Variants in RMDN2 observed in about 807,000 individuals in gnomAD.
RMDN2 encodes the protein regulator of microtubule dynamics 2, also known as regulator of microtubule dynamics protein 2.
In RMDN2, 61 loss-of-function variants were observed where a neutral mutation model predicts 52.8. The ratio of observed to expected loss-of-function variants is 1.16; its 90% CI spans 0.94 to 1.43. The LOEUF is 1.43. RMDN2 is among the 40% of genes most tolerant of loss of function. RMDN2 has a pLI of 0.00. For synonymous variants in RMDN2, 180 were observed against 153.1 expected, an observed-to-expected ratio of 1.18 and a Z score of -1.30; for missense variants, 592 against 475.3, an observed-to-expected ratio of 1.25 and a Z score of -2.28.
chr2:38,023,920 CCCTT>C lies in RMDN2; in HGVS notation c.1713+19705_1713+19708del, dbSNP rs1162693226. On this transcript the variant is annotated intron_variant, in intron 10 of 10. Transcript: ENST00000234195. ...CATCACTTCAAATGTTTCTTCATGC[CCCTT>C]GGTAATCTCTCCCTCTTGCATCTCT... is the stretch of plus-strand genomic sequence containing the variant. Among the ~76,000 whole-genome samples the C allele has an allele frequency of 2.6e-5, 4 of 152,172 alleles. No individual in the cohort carries two copies. In the East Asian group the frequency reaches 7.7e-4, roughly 29 times the overall value.
chr2:37,949,335 C>G (rs1048215844), intron 2 of RMDN2, among the ~76,000 whole-genome samples: 1 of 152,130 alleles, frequency 6.6e-6, no homozygotes, highest in Non-Finnish European at 1.5e-5. Context: ...TTACTACTTG[C>G]TATAGAAGTG....
downstream of RMDN2, among the ~76,000 whole-genome samples, chr2:38,018,291 A>G (rs1679067893): frequency 2.0e-5 from 3 of 152,228 alleles, no homozygotes; most frequent in African/African-American, 7.2e-5. Context: ...GTGAGAGAAT[A>G]TTTTGTCACT....
intron 10 of RMDN2, among the ~76,000 whole-genome samples, chr2:38,011,114 A>G (rs1677923106): frequency 6.6e-6 from 1 of 152,218 alleles, no homozygotes; most frequent in South Asian, 2.1e-4. Flanking sequence ...CAGGTGGCCC[A>G]GCCTAGAGTA....
intron 10 of RMDN2, among the ~76,000 whole-genome samples, chr2:38,004,855 C>A (rs139887085): frequency 2.9e-4 from 44 of 152,062 alleles, no homozygotes; most frequent in African/African-American, 9.2e-4. Context: ...CCACTCCCCC[C>A]ACCCCACAAC....
chr2:37,997,849 G>T (rs1056169067), intron 8 of RMDN2: 1 of 226,578 alleles, frequency 4.4e-6, no homozygotes, highest in Non-Finnish European at 8.6e-6. Context: ...AAACAGTCAC[G>T]CCCTGATGGT....
chr2:37,993,189 T>C (rs1465122116), intron 7 of RMDN2, among the ~76,000 whole-genome samples: 1 of 152,180 alleles, frequency 6.6e-6, no homozygotes, highest in Non-Finnish European at 1.5e-5. Flanking sequence ...CCTCCCAAAA[T>C]GCTGGGATTA....
At chr2:37,991,666 C>T (rs943792323) in intron 7 of RMDN2, among the ~76,000 whole-genome samples, 3 of 151,898 alleles carry the variant, frequency 2.0e-5, no homozygotes, top group African/African-American at 7.3e-5. Context: ...ATCAACAATC[C>T]ACACACACAC....
At chr2:37,962,996 C>G (rs1257302605) in intron 2 of RMDN2, 1 of 152,732 alleles carries the variant, frequency 6.5e-6, no homozygotes, top group Non-Finnish European at 1.5e-5. Context: ...AGGCAATACC[C>G]CACCCTCTTT....
chr2:37,965,011 C>T (rs532304678), intron 2 of RMDN2, among the ~76,000 whole-genome samples: 17 of 152,122 alleles, frequency 1.1e-4, no homozygotes, highest in African/African-American at 3.6e-4. Flanking sequence ...CAATTTTTGA[C>T]TTAAAGTCTA....
intron 10 of RMDN2, among the ~76,000 whole-genome samples, 163 bp from the exon 11 acceptor site, chr2:38,017,023 T>C (rs566092163): frequency 6.6e-6 from 1 of 152,138 alleles, no homozygotes; most frequent in Non-Finnish European, 1.5e-5. Context: ...ACACTGTCAA[T>C]GTCCTGAATT....
At chr2:38,018,842 G>A (rs1386564142), downstream of RMDN2, among the ~76,000 whole-genome samples, 1 of 152,132 alleles carries the variant, frequency 6.6e-6, no homozygotes, top group African/African-American at 2.4e-5. Context: ...TAAAAATTTG[G>A]ATTTTCTGTT....
chr2:38,045,062 T>C (rs752493795), intron 10 of RMDN2, among the ~76,000 whole-genome samples: 8 of 152,164 alleles, frequency 5.3e-5, no homozygotes, highest in African/African-American at 9.7e-5. Context: ...TTTGTCCTTT[T>C]TGTCAAGAGT....
chr2:38,006,281 A>C (rs1677074488), intron 10 of RMDN2, among the ~76,000 whole-genome samples: 1 of 152,022 alleles, frequency 6.6e-6, no homozygotes, highest in South Asian at 2.1e-4. Context: ...TGAATCTATA[A>C]ATTACCTTGG....
intron 2 of RMDN2, chr2:37,950,448 T>C (rs558488393): frequency 1.2e-4 from 193 of 1,609,708 alleles, no homozygotes; most frequent in Non-Finnish European, 1.6e-4. Context: ...TTCTGTGTTA[T>C]TGCCATGTTA....
intron 7 of RMDN2, 34 bp downstream of exon 7, chr2:37,991,331 T>G: frequency 9.3e-7 from 1 of 1,075,262 alleles, no homozygotes; most frequent in Non-Finnish European, 1.3e-6. Flanking sequence ...AAACTTTATT[T>G]GAATATACTA....
intron 8 of RMDN2, 23 bp from the exon 9 acceptor site, chr2:38,003,968 C>T (rs963262316): frequency 4.5e-6 from 7 of 1,571,810 alleles, no homozygotes; most frequent in African/African-American, 4.1e-5. Context: ...CTGTTATTCT[C>T]TCATGTTTTT....
At chr2:37,931,365 C>G (rs901192214) in intron 2 of RMDN2, among the ~76,000 whole-genome samples, 2 of 152,124 alleles carry the variant, frequency 1.3e-5, no homozygotes, top group Non-Finnish European at 2.9e-5. Flanking sequence ...TGAGAGTTAT[C>G]GAAGACAAAC....
chr2:37,984,204 G>T (rs900738063), intron 5 of RMDN2, among the ~76,000 whole-genome samples: 5 of 152,152 alleles, frequency 3.3e-5, no homozygotes, highest in Admixed American at 3.3e-4. Flanking sequence ...CTTTAAGGCT[G>T]TATATGCTTT....
At chr2:38,035,296 A>G (rs1457375707) in intron 10 of RMDN2, among the ~76,000 whole-genome samples, 1 of 152,144 alleles carries the variant, frequency 6.6e-6, no homozygotes, top group African/African-American at 2.4e-5. Context: ...AATTGAAGGA[A>G]CCCCAAAAGT....
Sources: allele counts gnomAD v4.1 joint callset (sites outside exome capture counted in the v4.1 genomes callset), GRCh38; gene constraint gnomAD v4.1.1; transcripts MANE v1.5; gene names NCBI Gene and HGNC (gene_info 2026-07-23, HGNC 2026-07-21).